The following PDE4D variants were observed in gnomAD, a reference collection of about 807,000 sequenced individuals.
PDE4D encodes the protein 3',5'-cyclic-AMP phosphodiesterase 4D.
PDE4D carries 24 observed loss-of-function variants against 87.4 expected under a neutral mutation model. That is an observed-to-expected ratio of 0.27 (90% CI 0.20 to 0.39). PDE4D has a LOEUF of 0.39. Ranked by LOEUF, PDE4D falls within the 10% of genes least tolerant of loss-of-function variation. The pLI is 1.00. For missense variants in PDE4D, 714 were observed against 1,041.0 expected, an observed-to-expected ratio of 0.69 and a Z score of 4.32; for synonymous variants, 384 against 383.2, an observed-to-expected ratio of 1.00 and a Z score of -0.02.
chr5:60,144,940 T>C (rs1320845336), intron 2 of PDE4D, among the ~76,000 whole-genome samples: 3 of 152,166 alleles, frequency 2.0e-5, no homozygotes, highest in Non-Finnish European at 4.4e-5. Context: ...TTGAAATAAC[T>C]AGTAAGTTTG....
chr5:59,491,952 T>C (rs1413789099), intron 1 of PDE4D, among the ~76,000 whole-genome samples: 1 of 152,154 alleles, frequency 6.6e-6, no homozygotes. Flanking sequence ...CCATTCAGGA[T>C]TGAGGCATTC....
chr5:59,106,485 G>A (rs955853408), intron 5 of PDE4D, among the ~76,000 whole-genome samples: 1 of 152,162 alleles, frequency 6.6e-6, no homozygotes, highest in Non-Finnish European at 1.5e-5. Flanking sequence ...ATGTTAGGCC[G>A]GGCGTGGTGA....
At chr5:59,881,170 G>C (rs1749380354) in intron 1 of PDE4D, among the ~76,000 whole-genome samples, 1 of 152,130 alleles carries the variant, frequency 6.6e-6, no homozygotes, top group Admixed American at 6.6e-5. Context: ...ATGTCATGCA[G>C]AACTACCAGA....
At chr5:59,893,129 C>A (rs992974984) in intron 1 of PDE4D, 39 bp downstream of exon 1, 20 of 1,519,038 alleles carry the variant, frequency 1.3e-5, no homozygotes, top group Non-Finnish European at 1.6e-5. Flanking sequence ...GGGGAGGTGA[C>A]CCTTTGCCTG....
intron 1 of PDE4D, among the ~76,000 whole-genome samples, chr5:59,317,789 A>G (rs996052476): frequency 1.3e-5 from 2 of 152,148 alleles, no homozygotes; most frequent in Non-Finnish European, 2.9e-5. Flanking sequence ...TTTTCCACGC[A>G]GTTCCCTTGA....
At chr5:59,779,940 C>CCAA (rs1449670772) in intron 1 of PDE4D, among the ~76,000 whole-genome samples, 1 of 152,208 alleles carries the variant, frequency 6.6e-6, no homozygotes, top group Non-Finnish European at 1.5e-5. Flanking sequence ...TACACTCCCA[C>CCAA]CAACAGTCTT....
chr5:59,705,723 G>A (rs571339207), intron 1 of PDE4D, among the ~76,000 whole-genome samples: 1 of 152,202 alleles, frequency 6.6e-6, no homozygotes, highest in African/African-American at 2.4e-5. Context: ...TTTGTGCCAG[G>A]AATTGTACAC....
intron 1 of PDE4D, among the ~76,000 whole-genome samples, chr5:59,566,579 T>TGAGA (rs1483379940): frequency 6.8e-6 from 1 of 146,200 alleles, no homozygotes; most frequent in East Asian, 2.0e-4. Flanking sequence ...TGTGTGTGTG[T>TGAGA]GTGTGAGAGA....
intron 1 of PDE4D, among the ~76,000 whole-genome samples, chr5:60,346,192 G>A (rs1271738930): frequency 1.3e-5 from 2 of 152,098 alleles, no homozygotes; most frequent in Non-Finnish European, 2.9e-5. Flanking sequence ...TTATGGTAAT[G>A]ATGAATAAGT....
At chr5:59,035,084 A>G (rs1213698446) in intron 6 of PDE4D, among the ~76,000 whole-genome samples, 1 of 152,094 alleles carries the variant, frequency 6.6e-6, no homozygotes, top group Non-Finnish European at 1.5e-5. Context: ...CTCTCTACTG[A>G]CTCCCATCCT....
At chr5:59,541,257 G>C (rs1816294603) in intron 1 of PDE4D, among the ~76,000 whole-genome samples, 1 of 152,172 alleles carries the variant, frequency 6.6e-6, no homozygotes, top group Admixed American at 6.6e-5. Context: ...GTCTCTGTAA[G>C]CATTACAGGG....
intron 2 of PDE4D, among the ~76,000 whole-genome samples, chr5:59,988,966 T>C (rs992671650): frequency 2.0e-5 from 3 of 151,860 alleles, no homozygotes; most frequent in Admixed American, 6.6e-5. Flanking sequence ...TCAGTAATCT[T>C]AGAATTTATT....
At chr5:60,479,567 A>T (rs1161488034) in intron 1 of PDE4D, among the ~76,000 whole-genome samples, 2 of 152,200 alleles carry the variant, frequency 1.3e-5, no homozygotes, top group Non-Finnish European at 2.9e-5. Flanking sequence ...GTCTCTGTCC[A>T]ATTTTAAAGC....
chr5:59,246,059 A>G (rs539091302), intron 1 of PDE4D, among the ~76,000 whole-genome samples: 43 of 151,056 alleles, frequency 2.8e-4, no homozygotes, highest in Non-Finnish European at 5.0e-4. Context: ...AGGATGGAAT[A>G]ACTAGTATCT....
chr5:58,978,067 CCT>C (rs1034740716), intron 11 of PDE4D, among the ~76,000 whole-genome samples: 1 of 152,114 alleles, frequency 6.6e-6, no homozygotes, highest in Admixed American at 6.6e-5. Flanking sequence ...AGAGATTCTG[CCT>C]CTCTCCTACT....
intron 1 of PDE4D, among the ~76,000 whole-genome samples, chr5:59,621,377 A>G (rs1830334244): frequency 6.6e-6 from 1 of 152,240 alleles, no homozygotes; most frequent in Non-Finnish European, 1.5e-5. Context: ...ATTGAATAGG[A>G]AGCCAGCTGA....
intron 1 of PDE4D, among the ~76,000 whole-genome samples, chr5:59,376,994 G>A (rs917737543): frequency 3.9e-5 from 6 of 152,100 alleles, no homozygotes; most frequent in African/African-American, 9.7e-5. Flanking sequence ...GCAGAAGATT[G>A]GACCCCTTCT....
chr5:58,992,041 A>G (rs995326329), intron 7 of PDE4D, 37 bp from the exon 8 acceptor site: 1 of 1,273,060 alleles, frequency 7.9e-7, no homozygotes, highest in East Asian at 2.6e-5. Context: ...ATTTATTATT[A>G]ATTCTATCTG....
chr5:59,481,926 T>C (rs1366118113), intron 1 of PDE4D, among the ~76,000 whole-genome samples: 7 of 152,140 alleles, frequency 4.6e-5, no homozygotes, highest in Non-Finnish European at 1.0e-4. Context: ...AAAAAATCTT[T>C]GGCATAGAAA....
Sources: allele counts gnomAD v4.1 joint callset (sites outside exome capture counted in the v4.1 genomes callset), GRCh38; gene constraint gnomAD v4.1.1; transcripts MANE v1.5; gene names NCBI Gene and HGNC (gene_info 2026-07-23, HGNC 2026-07-21).